The following SLX9 variants were observed in gnomAD, a reference collection of about 807,000 sequenced individuals.
SLX9 encodes SLX9 ribosome biogenesis factor.
Under a neutral mutation model 20.8 loss-of-function variants are expected in SLX9, and 19 were observed. That is an observed-to-expected ratio of 0.91 (90% CI 0.64 to 1.34). The LOEUF (loss-of-function observed/expected upper bound fraction) is 1.34. SLX9 is among the 40% of genes most tolerant of loss of function. SLX9 has a pLI of 0.00. For missense variants in SLX9, 299 were observed against 322.2 expected (o/e 0.93, Z 0.55); for synonymous variants, 113 against 137.1 (o/e 0.82, Z 1.23).
At chr21:44,960,826 A>G (rs990140276) in intron 3 of SLX9, among the ~76,000 whole-genome samples, 8 of 152,182 alleles carry the variant, frequency 5.3e-5, no homozygotes, top group Non-Finnish European at 1.0e-4. Flanking sequence ...GTGATGCTGG[A>G]TATTTGCCAG....
At chr21:44,954,007 C>T (rs1353361959) in intron 2 of SLX9, among the ~76,000 whole-genome samples, 1 of 152,162 alleles carries the variant, frequency 6.6e-6, no homozygotes, top group African/African-American at 2.4e-5. Flanking sequence ...TTTCTCTTGC[C>T]TTGTTACCCT....
chr21:44,960,207 A>G, intron 3 of SLX9, 39 bp downstream of exon 3: 10 of 1,597,766 alleles, frequency 6.3e-6, no homozygotes, highest in South Asian at 1.1e-5. Flanking sequence ...CTGCCGGCCC[A>G]AGTCCCATCC....
At chr21:44,953,993 CG>C (rs2084808364) in intron 2 of SLX9, among the ~76,000 whole-genome samples, 1 of 152,194 alleles carries the variant, frequency 6.6e-6, no homozygotes, top group East Asian at 1.9e-4. Flanking sequence ...AGGCCTTTGA[CG>C]TGTTTCTCTT....
At chr21:44,956,917 G>A (rs933103778) in intron 2 of SLX9, among the ~76,000 whole-genome samples, 14 of 152,260 alleles carry the variant, frequency 9.2e-5, no homozygotes, top group Non-Finnish European at 1.5e-4. Flanking sequence ...TTGTTAGAGC[G>A]CAAGAGCCCA....
At chr21:44,969,191 C>T (rs759240828) in intron 4 of SLX9, 44 of 470,388 alleles carry the variant, frequency 9.4e-5, no homozygotes, top group African/African-American at 7.4e-4. Flanking sequence ...TGGCAGGTCA[C>T]GCGCTGCAGG....
At position 44,943,683 on chromosome 21, in the gene SLX9, G is replaced by C; in HGVS notation, c.130-1G>C. The C allele has an allele frequency of 1.9e-6, 3 of 1,614,002 alleles. No homozygotes were observed. The South Asian group carries it at 3.3e-5, about 18-fold the overall frequency. On this transcript the variant is annotated splice_acceptor_variant, in intron 1 of 5. Transcript: ENST00000291634. LOFTEE classifies it high-confidence loss of function. ...TCGTCCGTTTTTGTTGGGGACATTA[G>C]GACTGGGCGTTCATCAACACCAACA...
At chr21:44,975,810 G>A (rs2085250906) in intron 5 of SLX9, among the ~76,000 whole-genome samples, 1 of 152,266 alleles carries the variant, frequency 6.6e-6, no homozygotes, top group African/African-American at 2.4e-5. Flanking sequence ...ACCGCCTCCT[G>A]CTGTGGAGAC....
At position 44,967,103 on chromosome 21, in the gene SLX9, TG is replaced by T. The variant is rs1325243649; in HGVS notation, c.427del (p.Asp143ThrfsTer39). On this transcript the variant is annotated frameshift_variant, in exon 4 of 6. Transcript: ENST00000291634. LOFTEE classifies it high-confidence loss of function. ...CGGAGGCGGAGGGCCACGGTGGTGG[TG>T]GGGGACCTGCACCCTCTCAGGGATG... ...EERRRRATVV[V>X]GDLHPLRDAL... 2.5e-6 allele frequency: 4 copies of T among 1,610,240 alleles called. No individual in the cohort carries two copies. Among genetic ancestry groups the T allele is most frequent in the Non-Finnish European group, 3.4e-6 (4 of 1,178,730 alleles).
intron 1 of SLX9, among the ~76,000 whole-genome samples, chr21:44,942,888 G>A (rs1248028185): frequency 6.6e-6 from 1 of 152,174 alleles, no homozygotes; most frequent in Non-Finnish European, 1.5e-5. Flanking sequence ...ACCTTCTGGT[G>A]TAGGAGGGCA....
At chr21:44,942,994 CA>C (rs972024015) in intron 1 of SLX9, among the ~76,000 whole-genome samples, 95 of 152,278 alleles carry the variant, frequency 6.2e-4, no homozygotes, top group Middle Eastern at 3.4e-3. Flanking sequence ...GCCTTTAGCT[CA>C]AAATAATTAG....
At chr21:44,950,503 C>T (rs2084736399) in intron 2 of SLX9, among the ~76,000 whole-genome samples, 2 of 152,222 alleles carry the variant, frequency 1.3e-5, no homozygotes, top group African/African-American at 4.8e-5. Flanking sequence ...ACCTGCGCTC[C>T]TGCAGAGAGT....
chr21:44,952,856 C>T (rs1266753005), intron 2 of SLX9, among the ~76,000 whole-genome samples: 1 of 152,242 alleles, frequency 6.6e-6, no homozygotes, highest in East Asian at 1.9e-4. Flanking sequence ...TGGGGCCTGG[C>T]TGGCAGCATC....
intron 2 of SLX9, among the ~76,000 whole-genome samples, chr21:44,951,006 G>A (rs1344982793): frequency 6.6e-6 from 1 of 152,180 alleles, no homozygotes; most frequent in South Asian, 2.1e-4. Flanking sequence ...GGCGGCGACT[G>A]GGTACACGTG....
In SLX9 at chr21:44,973,758, C is replaced by T. The variant is rs548380349; in HGVS notation, c.569+493C>T. Among the ~76,000 whole-genome samples the T allele has an allele frequency of 1.8e-3, 279 of 152,136 alleles. 4 individuals carry two copies. Among genetic ancestry groups the T allele is most frequent in the African/African-American group, 6.0e-3 (249 of 41,494 alleles). On this transcript the variant is annotated intron_variant, in intron 5 of 5. Transcript: ENST00000291634. Reference sequence around the variant, plus strand: ...CCAGCCTGCCCTCCCAGGGGTTCAGCGGCTGAGAGCCCCGCCCGTGCCTCT... The same window carrying T: ...CCAGCCTGCCCTCCCAGGGGTTCAGTGGCTGAGAGCCCCGCCCGTGCCTCT...
At chr21:44,968,061 G>T (rs898252830) in intron 4 of SLX9, among the ~76,000 whole-genome samples, 3 of 151,994 alleles carry the variant, frequency 2.0e-5, no homozygotes, top group African/African-American at 7.3e-5. Flanking sequence ...CAAGCCAGCG[G>T]GCCTGGGCCT....
intron 3 of SLX9, among the ~76,000 whole-genome samples, chr21:44,961,505 T>C (rs1416452339): frequency 6.6e-6 from 1 of 152,180 alleles, no homozygotes; most frequent in African/African-American, 2.4e-5. Flanking sequence ...GAAGATCGCT[T>C]CAACCCAGGA....
intron 2 of SLX9, among the ~76,000 whole-genome samples, chr21:44,955,034 T>C (rs1346239754): frequency 6.6e-6 from 1 of 151,878 alleles, no homozygotes; most frequent in African/African-American, 2.4e-5. Context: ...GCCAACATCA[T>C]GAAAGACCCC....
In SLX9 at chr21:44,973,250, A is replaced by G. The variant is rs148898856; in HGVS notation, c.554A>G (p.Gln185Arg). 4 of 1,612,498 alleles carry G rather than the reference A, an allele frequency of 2.5e-6. No homozygotes were observed. The highest frequency in any genetic ancestry group is 1.3e-5 in the African/African-American group (1 of 75,010). Residue 185 changes from glutamine (Q) to arginine (R), a missense_variant, in exon 5 of 6, where the codon CAG becomes CGG. Gln to Arg is a conservative substitution (Grantham distance 43). Transcript: ENST00000291634. ...PSELSRMSAAQRQQLLEEERT... is the reference protein window; with the variant it reads ...PSELSRMSAARRQQLLEEERT... ...GAGCTCAGCCGGATGAGCGCAGCCC[A>G]GAGACAGCAGCTTCTGTGAGTGCAC...
At chr21:44,967,354 C>T (rs570001973) in intron 4 of SLX9, among the ~76,000 whole-genome samples, 173 bp downstream of exon 4, 91 of 152,304 alleles carry the variant, frequency 6.0e-4, no homozygotes, top group South Asian at 4.1e-3. Context: ...GGCGTGAGCT[C>T]GTGAGGCCCG....
Sources: allele counts gnomAD v4.1 joint callset (sites outside exome capture counted in the v4.1 genomes callset), GRCh38; gene constraint gnomAD v4.1.1; transcripts MANE v1.5; gene names NCBI Gene and HGNC (gene_info 2026-07-23, HGNC 2026-07-21).